Variants in ZNF681 observed in about 807,000 individuals in gnomAD.
The protein encoded by ZNF681 is zinc finger protein 681, also known as hypothetical protein FLJ31526.
In ZNF681, 37 loss-of-function variants were observed where a neutral mutation model predicts 56.0. The observed-to-expected ratio is 0.66, with a 90% CI of 0.51 to 0.87. The LOEUF (loss-of-function observed/expected upper bound fraction) is 0.87. Ranked by LOEUF, ZNF681 falls within the 40% of genes least tolerant of loss-of-function variation. The probability of loss-of-function intolerance (pLI) is 0.00; values close to 1 mark genes in which losing one functional copy is unlikely to be tolerated. For synonymous variants in ZNF681, 225 were observed against 248.6 expected, an observed-to-expected ratio of 0.91 and a Z score of 0.89; for missense variants, 741 against 744.9, an observed-to-expected ratio of 0.99 and a Z score of 0.06.
rs1568308480 is a variant in ZNF681, at chr19:23,741,883, A to G, written c.*1729T>C. On this transcript the variant is annotated 3_prime_UTR_variant, in exon 4 of 4. Transcript: ENST00000402377. Reference sequence around the variant, plus strand: ...TATTTACACATACTATGTACCCACAAAAATTAAGAAAAATAAGTTTAAATA... The same window carrying G: ...TATTTACACATACTATGTACCCACAGAAATTAAGAAAAATAAGTTTAAATA... 1 of 152,150 alleles carries G rather than the reference A, an allele frequency of 6.6e-6. No individual in the cohort carries two copies. Among genetic ancestry groups the G allele is most frequent in the South Asian group, 2.1e-4 (1 of 4,818 alleles). 9.4% of individuals were successfully genotyped at this position (152,150 alleles called of 1,614,324 possible). A position where few individuals can be genotyped will look rare whatever the true frequency, so the allele number is the denominator to read the frequency against.
Position 23,755,382 on chromosome 19 carries a change from C to A in ZNF681, c.130+43G>T, listed in dbSNP as rs780240482. On this transcript the variant is annotated intron_variant, in intron 2 of 3. Transcript: ENST00000402377. ...CATTATACAAAAAAGAAAAATGAAA[C>A]CTTTAGGGTATAATAGGAATTGTAT... 5.7e-6 allele frequency: 9 copies of A among 1,567,506 alleles called. No individual in the cohort carries two copies. In the South Asian group the frequency reaches 9.6e-5, roughly 17 times the overall value.
At chr19:23,750,283 C>CAAAAAAAAAA (rs74175768) in intron 3 of ZNF681, among the ~76,000 whole-genome samples, 1 of 31,752 alleles carries the variant, frequency 3.1e-5, no homozygotes, top group Non-Finnish European at 5.3e-5. Context: ...GACTCCAACT[C>CAAAAAAAAAA]AAAAAAAAAA....
chr19:23,754,325 G>T lies in ZNF681; in HGVS notation c.226+498C>A, dbSNP rs1969081397. Among the ~76,000 whole-genome samples the T allele has an allele frequency of 2.6e-5, 4 of 151,946 alleles. No individual in the cohort carries two copies. The South Asian group carries it at 8.3e-4, about 32-fold the overall frequency. The stretch of plus-strand genomic sequence containing the variant: ...CTGAAGGGAAAGCAGAGTCCTGAGA[G>T]AACTTAAAAGCGTAAGACAGAAGAC... On this transcript the variant is annotated intron_variant, in intron 3 of 3. Coordinates refer to ENST00000402377, the MANE Select transcript of ZNF681 (RefSeq NM_138286.3).
chr19:23,757,440 G>A (rs116106034), intron 1 of ZNF681, among the ~76,000 whole-genome samples: 1,788 of 151,682 alleles, frequency 0.012, 39 homozygotes, highest in African/African-American at 0.04. Flanking sequence ...AGAGGAATGC[G>A]GAAAGAATTT....
chr19:23,750,594 C>A (rs1221753764), intron 3 of ZNF681, among the ~76,000 whole-genome samples: 2 of 152,212 alleles, frequency 1.3e-5, no homozygotes, highest in East Asian at 1.9e-4. Flanking sequence ...GTAATCCCAG[C>A]ACTTAGGGAG....
At position 23,744,483 on chromosome 19, in the gene ZNF681, T is replaced by A. The variant is rs149006587; in HGVS notation, c.1067A>T (p.His356Leu). 21 of 1,578,326 alleles carry A rather than the reference T, an allele frequency of 1.3e-5. No homozygotes were observed. The highest frequency in any genetic ancestry group is 1.7e-4 in the Middle Eastern group (1 of 5,944). Residue 356 changes from histidine (H) to leucine (L), a missense_variant, in exon 4 of 4, where the codon CAT becomes CTT. By Grantham distance (99) the His-to-Leu change is moderately conservative. Transcript: ENST00000402377. ...AFNQSSHLTR[H>L]KIIHTGEKPY... ...CTTCTCTCCAGTATGAATTATCTTA[T>A]GTCTGGTAAGGTGTGAGGACTGGTT...
intron 1 of ZNF681, among the ~76,000 whole-genome samples, chr19:23,757,786 T>C (rs1036201717): frequency 7.2e-5 from 11 of 152,104 alleles, no homozygotes; most frequent in African/African-American, 2.7e-4. Context: ...GGGAGTGGAC[T>C]CTATATAGAA....
chr19:23,739,242 A>G lies in ZNF681; in HGVS notation c.*4370T>C, dbSNP rs984648555. Reference sequence around the variant, plus strand: ...TTATTATTTTCAATTACATAGATTAACCAAATTATTTCACTTACATGATTC... The same window carrying G: ...TTATTATTTTCAATTACATAGATTAGCCAAATTATTTCACTTACATGATTC... On this transcript the variant is annotated 3_prime_UTR_variant, in exon 4 of 4. Coordinates refer to ENST00000402377, the MANE Select transcript of ZNF681 (RefSeq NM_138286.3). 9.9e-5 allele frequency: 15 copies of G among 152,158 alleles called. No homozygotes were observed. The highest frequency in any genetic ancestry group is 7.2e-4 in the Admixed American group (11 of 15,276). 9.4% of individuals were successfully genotyped at this position (152,158 alleles called of 1,614,324 possible).
At chr19:23,746,926 C>G (rs139015106) in intron 3 of ZNF681, among the ~76,000 whole-genome samples, 406 of 152,150 alleles carry the variant, frequency 2.7e-3, no homozygotes, top group African/African-American at 9.5e-3. Context: ...AAGTTTGAGA[C>G]CAGCCTAGGC....
At position 23,742,890 on chromosome 19, in the gene ZNF681, A is replaced by G. The variant is rs1254672211; in HGVS notation, c.*722T>C. On this transcript the variant is annotated 3_prime_UTR_variant, in exon 4 of 4. Coordinates refer to ENST00000402377, the MANE Select transcript of ZNF681 (RefSeq NM_138286.3). The stretch of plus-strand genomic sequence containing the variant: ...TCTGCAAAAATTTTCTACTTCTTAT[A>G]ATGTTATATACAAATAATTCATTTA... 6.6e-6 allele frequency: 1 copy of G among 152,184 alleles called. No individual in the cohort carries two copies. The highest frequency in any genetic ancestry group is 6.5e-5 in the Admixed American group (1 of 15,272). 9.4% of individuals were successfully genotyped at this position (152,184 alleles called of 1,614,324 possible). A position where few individuals can be genotyped will look rare whatever the true frequency, so the allele number is the denominator to read the frequency against.
intron 3 of ZNF681, among the ~76,000 whole-genome samples, chr19:23,750,843 C>G (rs1357374700): frequency 8.4e-6 from 1 of 118,818 alleles, no homozygotes; most frequent in African/African-American, 3.2e-5. Context: ...AAAAAAAACA[C>G]CCAGGCGCAG....
At position 23,743,574 on chromosome 19, in the gene ZNF681, T is replaced by A; in HGVS notation, c.*38A>T. 6.9e-7 allele frequency: 1 copy of A among 1,440,950 alleles called. No homozygotes were observed. The highest frequency in any genetic ancestry group is 2.5e-5 in the East Asian group (1 of 40,098). 89.3% of individuals were successfully genotyped at this position (1,440,950 alleles called of 1,614,324 possible). ...GAATTATCTTATGCACAATCAAGTGTGACAACTTTTAAAGGTTTTGTTACA... is the reference window on the plus strand; with the variant it reads ...GAATTATCTTATGCACAATCAAGTGAGACAACTTTTAAAGGTTTTGTTACA... On this transcript the variant is annotated 3_prime_UTR_variant, in exon 4 of 4. Coordinates refer to ENST00000402377, the MANE Select transcript of ZNF681 (RefSeq NM_138286.3).
intron 1 of ZNF681, among the ~76,000 whole-genome samples, chr19:23,757,378 T>G (rs1969138135): frequency 6.6e-6 from 1 of 152,134 alleles, no homozygotes; most frequent in Non-Finnish European, 1.5e-5. Context: ...TCTGTTTCTC[T>G]GTCATTGATT....
chr19:23,755,054 T>C (rs189573108), intron 2 of ZNF681, 136 bp from the exon 3 acceptor site: 1 of 625,054 alleles, frequency 1.6e-6, no homozygotes, highest in East Asian at 3.1e-5. Flanking sequence ...AAAAGAAATT[T>C]CTAAATATTT....
chr19:23,751,740 C>T (rs1213278462), intron 3 of ZNF681, among the ~76,000 whole-genome samples: 1 of 151,840 alleles, frequency 6.6e-6, no homozygotes, highest in Non-Finnish European at 1.5e-5. Flanking sequence ...GGCTGGAGTG[C>T]AGTGGCACAA....
intron 1 of ZNF681, among the ~76,000 whole-genome samples, chr19:23,757,161 C>T (rs895708301): frequency 6.6e-6 from 1 of 152,110 alleles, no homozygotes; most frequent in African/African-American, 2.4e-5. Context: ...GCTGGGATTA[C>T]AGGTGTGAGC....
At position 23,754,920 on chromosome 19, in the gene ZNF681, T is replaced by C. The variant is rs754588989; in HGVS notation, c.131-2A>G. 1.3e-5 allele frequency: 21 copies of C among 1,609,674 alleles called. No homozygotes were observed. The highest frequency in any genetic ancestry group is 1.6e-5 in the Non-Finnish European group (19 of 1,178,076). On this transcript the variant is annotated splice_acceptor_variant, in intron 2 of 3. Coordinates refer to ENST00000402377, the MANE Select transcript of ZNF681 (RefSeq NM_138286.3). LOFTEE classifies it high-confidence loss of function. ...GGTCTGGCTTAGAGACAACAATACC[T>C]GTTTTATTGAAAGTAAATAACATAA...
chr19:23,744,663 G>A lies in ZNF681; in HGVS notation c.887C>T (p.Thr296Ile), dbSNP rs138576525. Residue 296 changes from threonine (T) to isoleucine (I), a missense_variant, in exon 4 of 4, where the codon ACC becomes ATC. Thr to Ile is a moderately conservative substitution (Grantham distance 89). Transcript: ENST00000402377. ...ATGAATTATCTTATGTGTAGTAAGG[G>A]TTAAGGACTGATTAAAGGCTTTGTC... ...ECDKAFNQSL[T>I]LTTHKIIHTR... is the part of the protein sequence containing the mutation. 2.9e-5 allele frequency: 46 copies of A among 1,595,330 alleles called. 1 individual carries two copies. In the African/African-American group the frequency reaches 3.9e-4, roughly 14 times the overall value.
rs1218350518 is a variant in ZNF681, at chr19:23,743,076, T to C, written c.*536A>G. ...ATTTACTGCATCTGCAAAAATAGAT[T>C]TTAGTATGAACCCTCTAGTGTTTTC... On this transcript the variant is annotated 3_prime_UTR_variant, in exon 4 of 4. Transcript: ENST00000402377. The C allele has an allele frequency of 2.0e-5, 3 of 152,236 alleles. No individual in the cohort carries two copies. The highest frequency in any genetic ancestry group is 7.2e-5 in the African/African-American group (3 of 41,458). 9.4% of individuals were successfully genotyped at this position (152,236 alleles called of 1,614,324 possible). A position where few individuals can be genotyped will look rare whatever the true frequency, so the allele number is the denominator to read the frequency against.
Sources: gnomAD v4.1 joint callset for allele counts (sites outside exome capture counted in the v4.1 genomes callset) on GRCh38, gnomAD v4.1.1 for gene constraint, MANE v1.5 for transcripts, NCBI Gene and HGNC (gene_info 2026-07-23, HGNC 2026-07-21) for gene names.